Variants in PCDHGA9 observed in about 807,000 individuals in gnomAD.
PCDHGA9 encodes protocadherin gamma subfamily A, 9.
PCDHGA9 carries 37 observed loss-of-function variants against 62.5 expected under a neutral mutation model. That is an observed-to-expected ratio of 0.59 (90% CI 0.46 to 0.78). PCDHGA9 has a LOEUF of 0.78. Ranked by LOEUF, PCDHGA9 falls within the 30% of genes least tolerant of loss-of-function variation. The probability of loss-of-function intolerance (pLI) is 0.00; values close to 1 mark genes in which losing one functional copy is unlikely to be tolerated. For missense variants in PCDHGA9, 1,138 were observed against 1,166.2 expected, an observed-to-expected ratio of 0.98 and a Z score of 0.35; for synonymous variants, 459 against 484.6, an observed-to-expected ratio of 0.95 and a Z score of 0.69.
intron 2 of PCDHGA9, among the ~76,000 whole-genome samples, chr5:141,502,832 G>T (rs1266910323): frequency 6.6e-6 from 1 of 150,516 alleles, no homozygotes; most frequent in Non-Finnish European, 1.5e-5. Context: ...GGGGAAGCCT[G>T]GACTGGCTGA....
At chr5:141,451,503 A>G (rs1395798374) in intron 1 of PCDHGA9, among the ~76,000 whole-genome samples, 1 of 152,234 alleles carries the variant, frequency 6.6e-6, no homozygotes, top group African/African-American at 2.4e-5. Flanking sequence ...TAGGGCAACC[A>G]GCTTCTGTTA....
chr5:141,423,035 C>T (rs1220219512), intron 1 of PCDHGA9: 2 of 1,614,214 alleles, frequency 1.2e-6, no homozygotes, highest in Admixed American at 3.3e-5. Flanking sequence ...GGCCAGAACG[C>T]CTGGCTGTCC....
chr5:141,418,424 G>A lies in PCDHGA9; in HGVS notation c.2424+13048G>A, dbSNP rs1427064246. Reference sequence around the variant, plus strand: ...GGTGGAGAAAGACAATCCTGATGGTGGCAAATATCCAGAATTAGTATTGCA... The same window carrying A: ...GGTGGAGAAAGACAATCCTGATGGTAGCAAATATCCAGAATTAGTATTGCA... On this transcript the variant is annotated intron_variant, in intron 1 of 3. Coordinates refer to ENST00000573521, the MANE Select transcript of PCDHGA9 (RefSeq NM_018921.3). 1 of 1,613,974 alleles carries A rather than the reference G, an allele frequency of 6.2e-7. No individual in the cohort carries two copies. Among genetic ancestry groups the A allele is most frequent in the Non-Finnish European group, 8.5e-7 (1 of 1,179,872 alleles).
Position 141,431,297 on chromosome 5 carries a change from C to G in PCDHGA9, c.2424+25921C>G. Reference sequence around the variant, plus strand: ...GCTCAGCCCGAACACTCACTTCTCCCTCATCGTGCAAAATGGAGCCGACGG... The same window carrying G: ...GCTCAGCCCGAACACTCACTTCTCCGTCATCGTGCAAAATGGAGCCGACGG... On this transcript the variant is annotated intron_variant, in intron 1 of 3. Transcript: ENST00000573521. The surrounding 1 kb of genome is among the most constrained non-coding windows in gnomAD (Gnocchi z 4.8). The G allele has an allele frequency of 6.2e-7, 1 of 1,614,126 alleles. No individual in the cohort carries two copies. The highest frequency in any genetic ancestry group is 8.5e-7 in the Non-Finnish European group (1 of 1,180,036).
chr5:141,474,955 T>C (rs2099356879), intron 1 of PCDHGA9, among the ~76,000 whole-genome samples: 1 of 152,254 alleles, frequency 6.6e-6, no homozygotes, highest in African/African-American at 2.4e-5. Context: ...TTTTATTCAC[T>C]ATCCTAATCA....
intron 2 of PCDHGA9, among the ~76,000 whole-genome samples, chr5:141,499,796 C>T (rs2099794539): frequency 6.6e-6 from 1 of 150,412 alleles, no homozygotes; most frequent in South Asian, 2.1e-4. Context: ...AAGCAATTCT[C>T]ATGCTTCAGC....
At chr5:141,423,772 A>G (rs767998260) in intron 1 of PCDHGA9, 39 of 1,219,850 alleles carry the variant, frequency 3.2e-5, no homozygotes, top group East Asian at 1.6e-4. Context: ...GGGGCGGCAT[A>G]TATTTAGTTC....
rs754462129 is a variant in PCDHGA9, at chr5:141,490,693, G to T, written c.2425-4114G>T. 6.2e-7 allele frequency: 1 copy of T among 1,614,170 alleles called. No homozygotes were observed. Among genetic ancestry groups the T allele is most frequent in the South Asian group, 1.1e-5 (1 of 91,072 alleles). On this transcript the variant is annotated intron_variant, in intron 1 of 3. Transcript: ENST00000573521. This position sits in a 1 kb window ranked among gnomAD's most constrained non-coding sequence, Gnocchi z 5.4. Reference sequence around the variant, plus strand: ...GGCTGCCTCAGATCCAGACACTGGGGATAATGCCCGCCTCACCTACTCCAT... The same window carrying T: ...GGCTGCCTCAGATCCAGACACTGGGTATAATGCCCGCCTCACCTACTCCAT...
rs1330784633 is a variant in PCDHGA9 at position 141,476,330 on chromosome 5, G to A, written c.2425-18477G>A. On this transcript the variant is annotated intron_variant, in intron 1 of 3. Transcript: ENST00000573521. This position sits in a 1 kb window ranked among gnomAD's most constrained non-coding sequence, Gnocchi z 7.6. ...CCGCAGGTTCCGGGTGGTGTCTGGA[G>A]CTAGCCGAAGATTCTTTGAGGTGAA... The A allele has an allele frequency of 1.2e-6, 2 of 1,614,092 alleles. No homozygotes were observed. The highest frequency in any genetic ancestry group is 1.6e-4 in the Middle Eastern group (1 of 6,084).
At chr5:141,507,017 C>CACTT (rs763489200) in intron 3 of PCDHGA9, 1 of 152,206 alleles carries the variant, frequency 6.6e-6, no homozygotes, top group Non-Finnish European at 1.5e-5. Flanking sequence ...ACCGAGAAGG[C>CACTT]ACTTGCCCCA....
intron 1 of PCDHGA9, among the ~76,000 whole-genome samples, chr5:141,456,843 A>G (rs2098891742): frequency 6.6e-6 from 1 of 152,030 alleles, no homozygotes. Context: ...GGCGCCTGTA[A>G]TCCCAGCTAA....
chr5:141,491,542 G>T lies in PCDHGA9; in HGVS notation c.2425-3265G>T, dbSNP rs112433306. The T allele has an allele frequency of 6.2e-7, 1 of 1,613,898 alleles. No homozygotes were observed. Among genetic ancestry groups the T allele is most frequent in the Admixed American group, 1.7e-5 (1 of 60,006 alleles). On this transcript the variant is annotated intron_variant, in intron 1 of 3. Transcript: ENST00000573521. This position sits in a 1 kb window ranked among gnomAD's most constrained non-coding sequence, Gnocchi z 6.9. ...CATGGAGGTGACGCTGCGGCCCACA[G>T]ACTCGCAGAGCCACTGCTACAGGAC...
chr5:141,455,928 C>T (rs1160778812), intron 1 of PCDHGA9, among the ~76,000 whole-genome samples: 3 of 151,158 alleles, frequency 2.0e-5, no homozygotes, highest in African/African-American at 4.9e-5. Context: ...GACGGAGTCT[C>T]GCTCTGTCGC....
chr5:141,468,458 G>A (rs1047447240), intron 1 of PCDHGA9: 3 of 152,134 alleles, frequency 2.0e-5, no homozygotes, highest in African/African-American at 7.2e-5. Flanking sequence ...ATTAAAGCAA[G>A]TTATTTCTGA....
chr5:141,411,536 A>G (rs1333872781), intron 1 of PCDHGA9: 1 of 152,248 alleles, frequency 6.6e-6, no homozygotes, highest in Admixed American at 6.5e-5. Context: ...GTGAGCCCTG[A>G]TCTTGCCACT....
At chr5:141,449,888 A>G (rs544369390) in intron 1 of PCDHGA9, among the ~76,000 whole-genome samples, 1 of 151,990 alleles carries the variant, frequency 6.6e-6, no homozygotes, top group Non-Finnish European at 1.5e-5. Flanking sequence ...ATGCAATATA[A>G]TTATTTAGCC....
rs539406412 is a variant in PCDHGA9, at chr5:141,427,895, G to A, written c.2424+22519G>A. ...CGATGCAGGCCCACGACCAGGGCTCGCCCGCGCTCAGCGCCAACATGAGCC... is the reference window on the plus strand; with the variant it reads ...CGATGCAGGCCCACGACCAGGGCTCACCCGCGCTCAGCGCCAACATGAGCC... On this transcript the variant is annotated intron_variant, in intron 1 of 3. Transcript: ENST00000573521. 373 of 1,569,222 alleles carry A rather than the reference G, an allele frequency of 2.4e-4. 2 individuals are homozygous for A. In the South Asian group the frequency reaches 3.9e-3, roughly 17 times the overall value.
At chr5:141,505,505 G>A (rs2099846270) in intron 3 of PCDHGA9, 24 bp downstream of exon 3, 1 of 1,614,132 alleles carries the variant, frequency 6.2e-7, no homozygotes, top group Non-Finnish European at 8.5e-7. Flanking sequence ...GTGTGTGTAT[G>A]GAAGAGTGGG....
chr5:141,412,983 G>A (rs1372992044), intron 1 of PCDHGA9: 1 of 557,334 alleles, frequency 1.8e-6, no homozygotes, highest in Admixed American at 3.6e-5. Context: ...CGCAGCCAGA[G>A]CTCAATCCGG....
Sources: allele counts gnomAD v4.1 joint callset (sites outside exome capture counted in the v4.1 genomes callset), GRCh38; gene constraint gnomAD v4.1.1; non-coding constraint Gnocchi (gnomAD v3.1); transcripts MANE v1.5; gene names NCBI Gene and HGNC (gene_info 2026-07-23, HGNC 2026-07-21).